The following KLF3 variants were observed in gnomAD, a reference collection of about 807,000 sequenced individuals.
The protein encoded by KLF3 is Krueppel-like factor 3.
KLF3 carries 6 observed loss-of-function variants against 32.7 expected under a neutral mutation model. That is an observed-to-expected ratio of 0.18 (90% CI 0.10 to 0.36). The LOEUF (loss-of-function observed/expected upper bound fraction) is 0.36, where lower values mean the gene tolerates loss of function less well. Among genes scored for constraint, KLF3 ranks in the 10% least tolerant of loss-of-function variants. The pLI is 1.00. For missense variants in KLF3, 338 were observed against 449.7 expected, an observed-to-expected ratio of 0.75 and a Z score of 2.25; for synonymous variants, 145 against 172.8, an observed-to-expected ratio of 0.84 and a Z score of 1.26.
chr4:38,701,111 T>C lies in KLF3; in HGVS notation c.*3848T>C, dbSNP rs1723181258. On this transcript the variant is annotated 3_prime_UTR_variant, in exon 6 of 6. Transcript: ENST00000261438. ...AACTTACAGAGCAATGTAAGAACCC[T>C]TGCTTAGAACATTACTTACTCTGAT... The C allele has an allele frequency of 6.6e-6, 1 of 152,232 alleles. No homozygotes were observed. Among genetic ancestry groups the C allele is most frequent in the Admixed American group, 6.5e-5 (1 of 15,278 alleles). The allele number at this position is 152,232 out of a possible 1,614,324, so 9.4% of individuals were successfully genotyped here. A position where few individuals can be genotyped will look rare whatever the true frequency, so the allele number is the denominator to read the frequency against.
intron 1 of KLF3, among the ~76,000 whole-genome samples, chr4:38,668,844 A>G (rs1722114717): frequency 6.6e-6 from 1 of 152,220 alleles, no homozygotes; most frequent in Non-Finnish European, 1.5e-5. Flanking sequence ...TCTATCAGAA[A>G]AAAATTCTGC....
At chr4:38,666,409 T>C (rs1381568562) in intron 1 of KLF3, among the ~76,000 whole-genome samples, 2 of 151,706 alleles carry the variant, frequency 1.3e-5, no homozygotes, top group Non-Finnish European at 2.9e-5. Flanking sequence ...TCCTTACCTG[T>C]ACTTAGTCTG....
chr4:38,694,055 C>A (rs1313194047), intron 4 of KLF3, among the ~76,000 whole-genome samples: 1 of 152,148 alleles, frequency 6.6e-6, no homozygotes, highest in Non-Finnish European at 1.5e-5. Context: ...TTGAAATTCT[C>A]CCTCATACAG....
At chr4:38,683,326 T>G (rs1025297824) in intron 2 of KLF3, among the ~76,000 whole-genome samples, 4 of 152,180 alleles carry the variant, frequency 2.6e-5, no homozygotes, top group Admixed American at 6.5e-5. Context: ...AAACAATCGC[T>G]TGTTTGTGCT....
rs879499436 is a variant in KLF3 at position 38,680,785 on chromosome 4, T to A, written c.57+103T>A. 1,059 of 810,118 alleles carry A rather than the reference T, an allele frequency of 1.3e-3. 2 individuals carry two copies. The highest frequency in any genetic ancestry group is 1.7e-3 in the Non-Finnish European group (847 of 487,664). The allele number at this position is 810,118 out of a possible 1,614,324, so 50.2% of individuals were successfully genotyped here. A position where few individuals can be genotyped will look rare whatever the true frequency, so the allele number is the denominator to read the frequency against. ...TGAAATCATGGCCGGGCGTGGTGGC[T>A]CACGCCTGTAATCCCAGCACTTTGG... On this transcript the variant is annotated intron_variant, in intron 2 of 5. Coordinates refer to ENST00000261438, the MANE Select transcript of KLF3 (RefSeq NM_016531.6).
In KLF3 at chr4:38,699,873, T is replaced by C. The variant is rs1257664790; in HGVS notation, c.*2610T>C. On this transcript the variant is annotated 3_prime_UTR_variant, in exon 6 of 6. Coordinates refer to ENST00000261438, the MANE Select transcript of KLF3 (RefSeq NM_016531.6). The stretch of plus-strand genomic sequence containing the variant: ...TGAGAAATTTAGCCTCTTAGTCATT[T>C]TTAGCTGTTATTGTGGAAGACCTCA... The C allele has an allele frequency of 6.6e-6, 1 of 152,232 alleles. No individual in the cohort carries two copies. The highest frequency in any genetic ancestry group is 2.4e-5 in the African/African-American group (1 of 41,452). The allele number at this position is 152,232 out of a possible 1,614,324, so 9.4% of individuals were successfully genotyped here. A position where few individuals can be genotyped will look rare whatever the true frequency, so the allele number is the denominator to read the frequency against.
Position 38,689,310 on chromosome 4 carries a change from T to C in KLF3, c.544+239T>C, listed in dbSNP as rs553628365. Among the ~76,000 whole-genome samples the C allele has an allele frequency of 4.6e-5, 7 of 152,324 alleles. No individual in the cohort carries two copies. In the East Asian group the frequency reaches 1.3e-3, roughly 29 times the overall value. ...TTACTTTCACTATGTAATGGTCAACTTGGGGATAGAAAGAATCTTGACTTT... is the reference window on the plus strand; with the variant it reads ...TTACTTTCACTATGTAATGGTCAACCTGGGGATAGAAAGAATCTTGACTTT... On this transcript the variant is annotated intron_variant, in intron 3 of 5. Transcript: ENST00000261438.
At chr4:38,695,030 C>A in intron 5 of KLF3, 124 bp downstream of exon 5, 1 of 827,176 alleles carries the variant, frequency 1.2e-6, no homozygotes, top group Non-Finnish European at 1.9e-6. Flanking sequence ...CCAGATGTGT[C>A]TTCTCCAGAT....
chr4:38,668,070 A>G (rs1283672527), intron 1 of KLF3, among the ~76,000 whole-genome samples: 2 of 152,246 alleles, frequency 1.3e-5, no homozygotes, highest in African/African-American at 4.8e-5. Context: ...TAACAAATTC[A>G]TTTAATGCTA....
chr4:38,684,300 C>A (rs11722917), intron 2 of KLF3, among the ~76,000 whole-genome samples: 1 of 152,272 alleles, frequency 6.6e-6, no homozygotes, highest in African/African-American at 2.4e-5. Context: ...GTATATTATT[C>A]TTCACCTTAT....
intron 1 of KLF3, among the ~76,000 whole-genome samples, chr4:38,665,810 G>T (rs1428386936): frequency 1.3e-5 from 2 of 152,164 alleles, no homozygotes; most frequent in African/African-American, 4.8e-5. Flanking sequence ...TTTTCTGTAC[G>T]AATTTGAGGA....
At chr4:38,672,293 T>A (rs1302609916) in intron 1 of KLF3, among the ~76,000 whole-genome samples, 9 of 152,202 alleles carry the variant, frequency 5.9e-5, no homozygotes, top group Non-Finnish European at 1.2e-4. Flanking sequence ...AAGCCCGATC[T>A]CCTGTGGGGA....
At chr4:38,675,390 T>TC (rs11429183) in intron 1 of KLF3, among the ~76,000 whole-genome samples, 52,821 of 151,416 alleles carry the variant, frequency 0.35, 10,109 homozygotes, top group Non-Finnish European at 0.43. Flanking sequence ...ATTTTGCCCT[T>TC]CCCCCCCCTT....
intron 1 of KLF3, among the ~76,000 whole-genome samples, chr4:38,665,393 T>C (rs1474227136): frequency 6.6e-6 from 1 of 152,130 alleles, no homozygotes; most frequent in Non-Finnish European, 1.5e-5. Context: ...GCAGATGAGA[T>C]CTGGAATTGT....
rs1455978185 is a variant in KLF3, at chr4:38,664,432, T to G, written c.-69T>G. ...CCCGTATCGGGGCCTTTATTTCTCG[T>G]CGGCGGCGCCCTGCACCGCGCCTCG... is the stretch of plus-strand genomic sequence containing the variant. On this transcript the variant is annotated 5_prime_UTR_variant, in exon 1 of 6. Transcript: ENST00000261438. The G allele has an allele frequency of 6.6e-6, 1 of 151,904 alleles. No individual in the cohort carries two copies. The highest frequency in any genetic ancestry group is 2.4e-5 in the African/African-American group (1 of 41,368). The allele number at this position is 151,904 out of a possible 1,614,324, so 9.4% of individuals were successfully genotyped here.
chr4:38,696,850 T>G (rs563436495), intron 5 of KLF3, among the ~76,000 whole-genome samples: 35 of 148,322 alleles, frequency 2.4e-4, no homozygotes, highest in African/African-American at 8.5e-4. Context: ...TGACTCTGTG[T>G]TTTAAGAACT....
At position 38,683,435 on chromosome 4, in the gene KLF3, G is replaced by A. The variant is rs73134274; in HGVS notation, c.57+2753G>A. Among the ~76,000 whole-genome samples, 174 of 152,166 alleles carry A rather than the reference G, an allele frequency of 1.1e-3. 1 individual carries two copies. The highest frequency in any genetic ancestry group is 3.9e-3 in the African/African-American group (163 of 41,492). ...CACTAGCCTTGTGCTTTGAGGCTTG[G>A]GGTCACCCTGTTAAAATTTGCTAGA... is the stretch of plus-strand genomic sequence containing the variant. On this transcript the variant is annotated intron_variant, in intron 2 of 5. Transcript: ENST00000261438.
chr4:38,683,367 G>T (rs1178231324), intron 2 of KLF3, among the ~76,000 whole-genome samples: 2 of 152,118 alleles, frequency 1.3e-5, no homozygotes, highest in Non-Finnish European at 2.9e-5. Context: ...GTGAGGACAT[G>T]TCATTTCCCT....
chr4:38,694,114 A>G (rs1375893029), intron 4 of KLF3, among the ~76,000 whole-genome samples: 1 of 152,198 alleles, frequency 6.6e-6, no homozygotes, highest in Non-Finnish European at 1.5e-5. Flanking sequence ...AGCAATGCCA[A>G]CTTTTTTGTT....
Sources: allele counts gnomAD v4.1 joint callset (sites outside exome capture counted in the v4.1 genomes callset), GRCh38; gene constraint gnomAD v4.1.1; transcripts MANE v1.5; gene names NCBI Gene and HGNC (gene_info 2026-07-23, HGNC 2026-07-21).